The following AP1AR variants were observed in gnomAD, a reference collection of about 807,000 sequenced individuals.
The protein encoded by AP1AR is AP-1 complex-associated regulatory protein.
In AP1AR, 29 loss-of-function variants were observed where a neutral mutation model predicts 46.3. That is an observed-to-expected ratio of 0.63 (90% CI 0.47 to 0.85). The LOEUF (loss-of-function observed/expected upper bound fraction) is 0.85. Among genes scored for constraint, AP1AR ranks in the 40% least tolerant of loss-of-function variants. The pLI, the probability that AP1AR is intolerant of heterozygous loss-of-function variation, is 0.00. For synonymous variants in AP1AR, 122 were observed against 122.9 expected (o/e 0.99, Z 0.05); for missense variants, 357 against 356.3 (o/e 1.00, Z -0.02).
intron 5 of AP1AR, among the ~76,000 whole-genome samples, chr4:112,261,471 A>G (rs549288802): frequency 7.3e-4 from 111 of 152,144 alleles, no homozygotes; most frequent in African/African-American, 2.6e-3. Flanking sequence ...TTAAAAAATT[A>G]CCCTGTTTCA....
At chr4:112,251,596 A>G (rs991636053) in intron 1 of AP1AR, among the ~76,000 whole-genome samples, 2 of 152,208 alleles carry the variant, frequency 1.3e-5, no homozygotes, top group Admixed American at 6.5e-5. Context: ...CAGATTCTCC[A>G]TTCAGGGAAG....
chr4:112,272,453 C>T lies in AP1AR; in HGVS notation c.*4044C>T, dbSNP rs1726993377. Among the ~76,000 whole-genome samples, 1 of 152,098 alleles carries T rather than the reference C, an allele frequency of 6.6e-6. No homozygotes were observed. The highest frequency in any genetic ancestry group is 1.9e-4 in the East Asian group (1 of 5,186). ...TATATGACCTTCCCATGGGGCTTGGCCGGGAGTGCTAGCCCAGTAAGGGAA... is the reference window on the plus strand; with the variant it reads ...TATATGACCTTCCCATGGGGCTTGGTCGGGAGTGCTAGCCCAGTAAGGGAA... On this transcript the variant is annotated 3_prime_UTR_variant, in exon 10 of 10. Transcript: ENST00000274000.
intron 1 of AP1AR, among the ~76,000 whole-genome samples, chr4:112,242,003 A>G (rs937905836): frequency 4.6e-5 from 7 of 152,300 alleles, no homozygotes; most frequent in Non-Finnish European, 1.0e-4. Flanking sequence ...ACAGGGAAAG[A>G]CTTTCTTATT....
chr4:112,237,609 C>T (rs1437514258), intron 1 of AP1AR, among the ~76,000 whole-genome samples: 4 of 151,952 alleles, frequency 2.6e-5, no homozygotes, highest in African/African-American at 7.3e-5. Flanking sequence ...CGCAGGCCAC[C>T]ACGCTTGGCT....
intron 5 of AP1AR, 86 bp downstream of exon 5, chr4:112,260,948 C>A: frequency 1.2e-6 from 1 of 808,684 alleles, no homozygotes; most frequent in Non-Finnish European, 1.9e-6. Context: ...AGTCTTTGGA[C>A]CTATATTTAG....
rs911948819 is a variant in AP1AR, at chr4:112,235,625, A to G, written c.83+3451A>G. Among the ~76,000 whole-genome samples, 6 of 152,234 alleles carry G rather than the reference A, an allele frequency of 3.9e-5. No individual in the cohort carries two copies. The East Asian group carries it at 9.6e-4, about 24-fold the overall frequency. On this transcript the variant is annotated intron_variant, in intron 1 of 9. Transcript: ENST00000274000. ...TGAGGCAAGTAAGTATATATATTAT[A>G]TATATTATAGGTTGAAAACTGAAAC...
At chr4:112,237,834 A>G (rs772667929) in intron 1 of AP1AR, among the ~76,000 whole-genome samples, 2 of 151,942 alleles carry the variant, frequency 1.3e-5, no homozygotes, top group African/African-American at 2.4e-5. Context: ...TACCTTCCCT[A>G]TGAAACCCGC....
At chr4:112,265,106 G>T in intron 7 of AP1AR, 39 bp downstream of exon 7, 1 of 1,524,478 alleles carries the variant, frequency 6.6e-7, no homozygotes, top group Non-Finnish European at 8.9e-7. Context: ...CTTTGTGGTA[G>T]AACATTTTAT....
At position 112,236,327 on chromosome 4, in the gene AP1AR, G is replaced by A. The variant is rs573998311; in HGVS notation, c.83+4153G>A. ...TCATGAGTTAGGCTTTCTAAAACCC[G>A]CATTGGATTGTTTCTTTCCTTTGCT... is the stretch of plus-strand genomic sequence containing the variant. On this transcript the variant is annotated intron_variant, in intron 1 of 9. Coordinates refer to ENST00000274000, the MANE Select transcript of AP1AR (RefSeq NM_018569.6). Among the ~76,000 whole-genome samples, 7 of 150,834 alleles carry A rather than the reference G, an allele frequency of 4.6e-5. No homozygotes were observed. The East Asian group carries it at 7.8e-4, about 17-fold the overall frequency.
At chr4:112,243,282 A>G (rs1725586661) in intron 1 of AP1AR, among the ~76,000 whole-genome samples, 1 of 151,996 alleles carries the variant, frequency 6.6e-6, no homozygotes, top group Non-Finnish European at 1.5e-5. Flanking sequence ...GATTTACCGC[A>G]TTTATTTTTC....
intron 1 of AP1AR, among the ~76,000 whole-genome samples, chr4:112,246,992 A>G (rs1431081229): frequency 6.6e-6 from 1 of 152,202 alleles, no homozygotes; most frequent in African/African-American, 2.4e-5. Flanking sequence ...CCTTAAGTTA[A>G]CTTAGCATGT....
intron 3 of AP1AR, 47 bp from the exon 4 acceptor site, chr4:112,257,725 A>C: frequency 1.4e-6 from 2 of 1,409,772 alleles, no homozygotes; most frequent in Non-Finnish European, 1.9e-6. Flanking sequence ...TTTAAATAGA[A>C]TTTAGCTAAT....
In AP1AR at chr4:112,232,246, A is replaced by T. The variant is rs1725042535; in HGVS notation, c.83+72A>T. 29 of 1,220,360 alleles carry T rather than the reference A, an allele frequency of 2.4e-5. No individual in the cohort carries two copies. In the South Asian group the frequency reaches 9.5e-4, roughly 40 times the overall value. The allele number at this position is 1,220,360 out of a possible 1,614,324, so 75.6% of individuals were successfully genotyped here. The stretch of plus-strand genomic sequence containing the variant: ...CGGCCCCCGGCGGGGAATCCCTTTC[A>T]CCGTCCCCCGGCGGCTGGAGGTGGC... On this transcript the variant is annotated intron_variant, in intron 1 of 9. Coordinates refer to ENST00000274000, the MANE Select transcript of AP1AR (RefSeq NM_018569.6).
chr4:112,257,810 T>TAAAA lies in AP1AR; in HGVS notation c.185+22_185+25dup. On this transcript the variant is annotated intron_variant, in intron 4 of 9. Transcript: ENST00000274000. ...GAAGCAGTCATAGGTAAGGCTTTGT[T>TAAAA]AAAAAAAAAAAACAAAACTTCTATG... The TAAAA allele has an allele frequency of 8.1e-7, 1 of 1,235,912 alleles. No individual in the cohort carries two copies. Among genetic ancestry groups the TAAAA allele is most frequent in the Non-Finnish European group, 1.1e-6 (1 of 915,946 alleles). The allele number at this position is 1,235,912 out of a possible 1,614,324, so 76.6% of individuals were successfully genotyped here.
chr4:112,263,023 A>G lies in AP1AR; in HGVS notation c.318A>G (p.Glu106=), dbSNP rs1187263222. ...AAGAAGAGAAGTTAAGACTAGAAGA[A>G]GAAGCTTTATACGCTGCACAGCGTG... is the stretch of plus-strand genomic sequence containing the variant. ...ALQEEKLRLE[E]EALYAAQREA... is the part of the protein sequence containing the mutation. The change falls in exon 6 of 10, where the codon GAA becomes GAG. Residue 106 remains glutamate, a synonymous_variant. Coordinates refer to ENST00000274000, the MANE Select transcript of AP1AR (RefSeq NM_018569.6). 5 of 1,613,902 alleles carry G rather than the reference A, an allele frequency of 3.1e-6. No homozygotes were observed. In the South Asian group the frequency reaches 5.5e-5, roughly 18 times the overall value.
chr4:112,240,179 C>G (rs1179131586), intron 1 of AP1AR, among the ~76,000 whole-genome samples: 1 of 152,138 alleles, frequency 6.6e-6, no homozygotes, highest in Non-Finnish European at 1.5e-5. Flanking sequence ...CTTTTCCTTG[C>G]CTACCTCTTC....
intron 1 of AP1AR, among the ~76,000 whole-genome samples, chr4:112,250,692 T>C (rs928833233): frequency 1.3e-5 from 2 of 152,216 alleles, no homozygotes; most frequent in Admixed American, 1.3e-4. Flanking sequence ...AATCGAGTAT[T>C]TACTTTATCA....
At chr4:112,264,235 A>T (rs1726577691) in intron 6 of AP1AR, among the ~76,000 whole-genome samples, 1 of 152,160 alleles carries the variant, frequency 6.6e-6, no homozygotes, top group Non-Finnish European at 1.5e-5. Context: ...ACTGTAATAG[A>T]TTATCTACTG....
At chr4:112,252,002 C>T (rs998160939) in intron 1 of AP1AR, among the ~76,000 whole-genome samples, 1 of 152,096 alleles carries the variant, frequency 6.6e-6, no homozygotes, top group Non-Finnish European at 1.5e-5. Flanking sequence ...AAGAATTCTG[C>T]ACTTTGGGAG....
Sources: gnomAD v4.1 joint callset for allele counts (sites outside exome capture counted in the v4.1 genomes callset) on GRCh38, gnomAD v4.1.1 for gene constraint, MANE v1.5 for transcripts, NCBI Gene and HGNC (gene_info 2026-07-23, HGNC 2026-07-21) for gene names.